LIN7A: variants seen among roughly 807,000 people sequenced by gnomAD.
LIN7A encodes the protein lin-7 cell polarity scaffold A.
A neutral mutation model predicts 29.8 loss-of-function variants in LIN7A; 25 were observed. The ratio of observed to expected loss-of-function variants is 0.84; its 90% CI spans 0.61 to 1.17. LIN7A has a LOEUF of 1.17. Among genes scored for constraint, LIN7A ranks in the 50% most tolerant of loss-of-function variants. LIN7A has a pLI of 0.00. For missense variants in LIN7A, 239 were observed against 287.0 expected (o/e 0.83, Z 1.21); for synonymous variants, 118 against 107.5 (o/e 1.10, Z -0.60).
intron 5 of LIN7A, among the ~76,000 whole-genome samples, chr12:80,809,785 T>A (rs1237884402): frequency 6.6e-6 from 1 of 152,214 alleles, no homozygotes; most frequent in East Asian, 1.9e-4. Context: ...CCTGATTTAG[T>A]GTTCTTTGTT....
At chr12:80,822,430 C>T (rs773994049) in intron 4 of LIN7A, among the ~76,000 whole-genome samples, 4 of 152,036 alleles carry the variant, frequency 2.6e-5, no homozygotes, top group South Asian at 2.1e-4. Flanking sequence ...TGATGGCAGG[C>T]GCCTGGAATT....
intron 1 of LIN7A, among the ~76,000 whole-genome samples, chr12:80,916,989 T>C (rs1877059928): frequency 6.6e-6 from 1 of 152,128 alleles, no homozygotes; most frequent in African/African-American, 2.4e-5. Flanking sequence ...CATTGGCATA[T>C]GGTCAGTTAA....
intron 4 of LIN7A, among the ~76,000 whole-genome samples, chr12:80,832,940 C>A (rs952138842): frequency 6.6e-6 from 1 of 151,874 alleles, no homozygotes; most frequent in Admixed American, 6.6e-5. Flanking sequence ...GTGTTACTGG[C>A]CAGGATAAAC....
chr12:80,827,505 A>G (rs1872136670), intron 4 of LIN7A, among the ~76,000 whole-genome samples: 1 of 152,190 alleles, frequency 6.6e-6, no homozygotes, highest in Non-Finnish European at 1.5e-5. Context: ...CAATAAATGC[A>G]TTACCCCATA....
intron 2 of LIN7A, among the ~76,000 whole-genome samples, chr12:80,885,742 G>T (rs1283853341): frequency 6.6e-6 from 1 of 151,780 alleles, no homozygotes; most frequent in Admixed American, 6.6e-5. Context: ...AATAGTTAAG[G>T]GAGCTTCAAA....
chr12:80,804,945 G>T (rs1395236460), intron 5 of LIN7A, among the ~76,000 whole-genome samples: 1 of 151,542 alleles, frequency 6.6e-6, no homozygotes, highest in African/African-American at 2.4e-5. Context: ...GGACACTTAG[G>T]TTGCTTCTAA....
At chr12:80,847,054 C>G (rs146679655) in intron 3 of LIN7A, among the ~76,000 whole-genome samples, 7 of 152,320 alleles carry the variant, frequency 4.6e-5, no homozygotes, top group African/African-American at 1.7e-4. Flanking sequence ...TAGTGAATGA[C>G]ATGAAAACAA....
intron 1 of LIN7A, among the ~76,000 whole-genome samples, chr12:80,924,707 AAAAAG>A (rs1877483860): frequency 6.6e-6 from 1 of 152,178 alleles, no homozygotes; most frequent in South Asian, 2.1e-4. Flanking sequence ...AAATAGAACT[AAAAAG>A]AAAGTTAAAA....
intron 2 of LIN7A, among the ~76,000 whole-genome samples, chr12:80,871,423 C>A (rs1431698797): frequency 6.6e-6 from 1 of 152,040 alleles, no homozygotes; most frequent in Non-Finnish European, 1.5e-5. Context: ...AGCAAGTCAA[C>A]AAGCTTAATT....
intron 4 of LIN7A, among the ~76,000 whole-genome samples, chr12:80,813,291 G>A (rs1291147470): frequency 3.9e-5 from 6 of 152,278 alleles, no homozygotes; most frequent in African/African-American, 1.2e-4. Context: ...GATTACAGGC[G>A]TAAGCCACCG....
chr12:80,874,697 G>A (rs966534650), intron 2 of LIN7A, among the ~76,000 whole-genome samples: 4 of 152,196 alleles, frequency 2.6e-5, no homozygotes, highest in Non-Finnish European at 5.9e-5. Flanking sequence ...TTAAAATAAT[G>A]TTTCGGCTGG....
At chr12:80,889,126 G>A in intron 2 of LIN7A, 125 bp downstream of exon 2, 1 of 687,640 alleles carries the variant, frequency 1.5e-6, no homozygotes, top group Non-Finnish European at 2.6e-6. Flanking sequence ...TGTCCAAGTA[G>A]CTAAAAACAG....
At chr12:80,831,704 T>A (rs1282663181) in intron 4 of LIN7A, among the ~76,000 whole-genome samples, 2 of 152,144 alleles carry the variant, frequency 1.3e-5, no homozygotes, top group Non-Finnish European at 2.9e-5. Flanking sequence ...CAACTTTGCA[T>A]TATCCCTCCT....
chr12:80,815,461 TAATG>T (rs1204898598), intron 4 of LIN7A, among the ~76,000 whole-genome samples: 1 of 152,254 alleles, frequency 6.6e-6, no homozygotes, highest in Non-Finnish European at 1.5e-5. Flanking sequence ...GTCTCACTCT[TAATG>T]AAAGTATGCA....
chr12:80,874,807 C>G (rs1180709661), intron 2 of LIN7A, among the ~76,000 whole-genome samples: 1 of 152,140 alleles, frequency 6.6e-6, no homozygotes, highest in East Asian at 1.9e-4. Flanking sequence ...CACGGTGAAG[C>G]CCCGTCTCTA....
intron 2 of LIN7A, among the ~76,000 whole-genome samples, chr12:80,864,725 T>C (rs1247221231): frequency 6.6e-6 from 1 of 152,216 alleles, no homozygotes; most frequent in African/African-American, 2.4e-5. Flanking sequence ...GCAACATTTT[T>C]TAATGTGAAT....
At chr12:80,869,098 G>C (rs931998224) in intron 2 of LIN7A, among the ~76,000 whole-genome samples, 1 of 150,984 alleles carries the variant, frequency 6.6e-6, no homozygotes, top group East Asian at 1.9e-4. Context: ...GTGGAGAAAG[G>C]GCATTGGCAT....
chr12:80,804,728 A>C (rs1474248791), intron 5 of LIN7A, among the ~76,000 whole-genome samples: 1 of 146,906 alleles, frequency 6.8e-6, no homozygotes, highest in Non-Finnish European at 1.5e-5. Context: ...TTTTTTTTGT[A>C]TTTTTACTAG....
intron 5 of LIN7A, among the ~76,000 whole-genome samples, chr12:80,804,102 A>G (rs1214503801): frequency 1.3e-5 from 2 of 152,124 alleles, no homozygotes; most frequent in Non-Finnish European, 2.9e-5. Flanking sequence ...TTGTGGGTAC[A>G]TGATATATAT....
Sources: allele counts gnomAD v4.1 joint callset (sites outside exome capture counted in the v4.1 genomes callset), GRCh38; gene constraint gnomAD v4.1.1; transcripts MANE v1.5; gene names NCBI Gene and HGNC (gene_info 2026-07-23, HGNC 2026-07-21).